TEK: variants seen among roughly 807,000 people sequenced by gnomAD.
TEK encodes the protein TEK receptor tyrosine kinase, also known as angiopoietin-1 receptor.
In TEK, 43 loss-of-function variants were observed where a neutral mutation model predicts 131.8. That is an observed-to-expected ratio of 0.33 (90% CI 0.26 to 0.42). The LOEUF (loss-of-function observed/expected upper bound fraction) is 0.42, where lower values mean the gene tolerates loss of function less well. Ranked by LOEUF, TEK falls within the 10% of genes least tolerant of loss-of-function variation. TEK has a pLI of 1.00. For missense variants in TEK, 1,162 were observed against 1,384.4 expected, an observed-to-expected ratio of 0.84 and a Z score of 2.55; for synonymous variants, 580 against 491.6, an observed-to-expected ratio of 1.18 and a Z score of -2.38.
In TEK at chr9:27,109,521, T is replaced by C; in HGVS notation, c.-70T>C. ...ATGCTAATGGAAAGTCACAAACCGC[T>C]GGGTTTTTGAAAGGATCCTTGGGAC... On this transcript the variant is annotated 5_prime_UTR_variant, in exon 1 of 23. Transcript: ENST00000380036. The C allele has an allele frequency of 6.5e-7, 1 of 1,536,792 alleles. No individual in the cohort carries two copies. The highest frequency in any genetic ancestry group is 2.2e-5 in the East Asian group (1 of 44,492).
At chr9:27,202,331 G>A (rs990308296) in intron 12 of TEK, among the ~76,000 whole-genome samples, 14 of 152,192 alleles carry the variant, frequency 9.2e-5, no homozygotes, top group African/African-American at 3.4e-4. Context: ...GGACTACAGA[G>A]CCAGACTGCC....
At chr9:27,203,342 C>T (rs2131208237) in intron 13 of TEK, among the ~76,000 whole-genome samples, 1 of 152,266 alleles carries the variant, frequency 6.6e-6, no homozygotes, top group South Asian at 2.1e-4. Flanking sequence ...CAGCATACCC[C>T]ATCCAGCAAT....
At chr9:27,182,142 C>G (rs536796961) in intron 7 of TEK, among the ~76,000 whole-genome samples, 1 of 152,276 alleles carries the variant, frequency 6.6e-6, no homozygotes, top group South Asian at 2.1e-4. Context: ...GAATTTTGTG[C>G]TTTGTTCCTT....
At chr9:27,214,053 C>CT (rs1825727864) in intron 18 of TEK, among the ~76,000 whole-genome samples, 1 of 152,222 alleles carries the variant, frequency 6.6e-6, no homozygotes, top group Non-Finnish European at 1.5e-5. Context: ...ACAGGCTCAT[C>CT]TAAGATTTCT....
chr9:27,147,579 C>G (rs1370938388), intron 1 of TEK, among the ~76,000 whole-genome samples: 1 of 151,930 alleles, frequency 6.6e-6, no homozygotes, highest in African/African-American at 2.4e-5. Context: ...AGTTTTAAAT[C>G]TTAATAAAAT....
intron 17 of TEK, 22 bp downstream of exon 17, chr9:27,212,919 T>C (rs761493351): frequency 1.1e-5 from 17 of 1,611,212 alleles, no homozygotes; most frequent in Non-Finnish European, 1.4e-5. Context: ...GGACTTCGCT[T>C]TGGATATCTT....
At chr9:27,221,297 T>A (rs898944757) in intron 21 of TEK, among the ~76,000 whole-genome samples, 1 of 152,176 alleles carries the variant, frequency 6.6e-6, no homozygotes, top group Non-Finnish European at 1.5e-5. Context: ...AAAACTCCCA[T>A]CTCCATGGGA....
chr9:27,177,604 G>C, intron 6 of TEK, among the ~76,000 whole-genome samples: 1 of 152,168 alleles, frequency 6.6e-6, no homozygotes, highest in East Asian at 1.9e-4. Context: ...TACAGAATTA[G>C]TCAGGCACGG....
intron 1 of TEK, among the ~76,000 whole-genome samples, chr9:27,133,420 G>A (rs1822295686): frequency 6.6e-6 from 1 of 152,172 alleles, no homozygotes; most frequent in African/African-American, 2.4e-5. Context: ...TGAGCCTTAA[G>A]AGCCACAGTC....
chr9:27,185,149 C>G (rs75221330), intron 8 of TEK, among the ~76,000 whole-genome samples: 8 of 152,068 alleles, frequency 5.3e-5, no homozygotes, highest in Non-Finnish European at 1.0e-4. Context: ...TGTCCTCCCA[C>G]GCAGCCATCT....
intron 20 of TEK, among the ~76,000 whole-genome samples, chr9:27,219,673 G>A (rs552785402): frequency 1.1e-4 from 5 of 47,116 alleles, no homozygotes; most frequent in Non-Finnish European, 2.1e-4. Flanking sequence ...TTAAAAAACT[G>A]GCCATAACTA....
chr9:27,162,922 G>T (rs1468047245), intron 2 of TEK, among the ~76,000 whole-genome samples: 3 of 152,084 alleles, frequency 2.0e-5, no homozygotes, highest in African/African-American at 7.2e-5. Context: ...TACCATGTTG[G>T]CCGGGGTGGT....
intron 7 of TEK, 55 bp from the exon 8 acceptor site, chr9:27,183,404 A>C (rs142546331): frequency 2.1e-5 from 34 of 1,583,322 alleles, no homozygotes; most frequent in Non-Finnish European, 2.9e-5. Flanking sequence ...TATTATTACT[A>C]CTGCTGCTGG....
intron 13 of TEK, among the ~76,000 whole-genome samples, chr9:27,204,262 A>C (rs1489962533): frequency 2.0e-5 from 3 of 152,242 alleles, no homozygotes; most frequent in Non-Finnish European, 4.4e-5. Context: ...TGCTATTGCT[A>C]ATAAAAATAT....
intron 1 of TEK, among the ~76,000 whole-genome samples, chr9:27,135,351 TTCC>T (rs1822383383): frequency 6.6e-6 from 1 of 152,094 alleles, no homozygotes; most frequent in Non-Finnish European, 1.5e-5. Flanking sequence ...ACATTAGCTT[TTCC>T]TTGTGATGGG....
chr9:27,110,126 A>G (rs1490676463), intron 1 of TEK, among the ~76,000 whole-genome samples: 1 of 149,974 alleles, frequency 6.7e-6, no homozygotes, highest in African/African-American at 2.5e-5. Context: ...CTGTAAAAAG[A>G]TTTTATATCT....
At chr9:27,126,377 C>T (rs1000282824) in intron 1 of TEK, among the ~76,000 whole-genome samples, 3 of 152,120 alleles carry the variant, frequency 2.0e-5, no homozygotes, top group South Asian at 4.1e-4. Flanking sequence ...AACTAATGCA[C>T]TAAATATATC....
At chr9:27,149,821 T>C (rs895394828) in intron 1 of TEK, among the ~76,000 whole-genome samples, 5 of 152,136 alleles carry the variant, frequency 3.3e-5, no homozygotes, top group African/African-American at 1.2e-4. Flanking sequence ...TGGCAGGTAA[T>C]TGAATCAGGA....
At chr9:27,198,466 G>A (rs1255296293) in intron 12 of TEK, 1 of 152,146 alleles carries the variant, frequency 6.6e-6, no homozygotes, top group Non-Finnish European at 1.5e-5. Flanking sequence ...TGTTTCTTTG[G>A]CCACTCTTTT....
Sources: allele counts gnomAD v4.1 joint callset (sites outside exome capture counted in the v4.1 genomes callset), GRCh38; gene constraint gnomAD v4.1.1; transcripts MANE v1.5; gene names NCBI Gene and HGNC (gene_info 2026-07-23, HGNC 2026-07-21).